The following ZMYM2 variants were observed in gnomAD, a reference collection of about 807,000 sequenced individuals.
ZMYM2 encodes zinc finger MYM-type containing 2, also known as zinc finger MYM-type protein 2.
A neutral mutation model predicts 162.8 loss-of-function variants in ZMYM2; 56 were observed. The observed-to-expected ratio is 0.34, with a 90% CI of 0.28 to 0.43. The LOEUF is 0.43. Among genes scored for constraint, ZMYM2 ranks in the 20% least tolerant of loss-of-function variants. The pLI, the probability that ZMYM2 is intolerant of heterozygous loss-of-function variation, is 1.00. For missense variants in ZMYM2, 1,275 were observed against 1,621.8 expected (o/e 0.79, Z 3.67); for synonymous variants, 510 against 541.6 (o/e 0.94, Z 0.81).
chr13:20,004,971 T>A, intron 4 of ZMYM2, 103 bp from the exon 5 acceptor site: 5 of 800,448 alleles, frequency 6.2e-6, no homozygotes, highest in Non-Finnish European at 9.4e-6. Context: ...GAATGATGTT[T>A]GATTTGCAGG....
chr13:19,905,561 G>A, the ZMYM2 span, among the ~76,000 whole-genome samples: 2 of 152,132 alleles, frequency 1.3e-5, no homozygotes, highest in Non-Finnish European at 2.9e-5. Flanking sequence ...ACCGGAGCAG[G>A]AGAGACAGCC....
At chr13:19,989,825 C>CT (rs1402935427) in intron 2 of ZMYM2, among the ~76,000 whole-genome samples, 1 of 152,260 alleles carries the variant, frequency 6.6e-6, no homozygotes, top group East Asian at 1.9e-4. Flanking sequence ...TCCTTCTACT[C>CT]TATCTCCATG....
chr13:19,918,454 A>C, the ZMYM2 span, among the ~76,000 whole-genome samples: 993 of 151,548 alleles, frequency 6.6e-3, 2 homozygotes, highest in Non-Finnish European at 0.01. Context: ...CAAAAAACAA[A>C]CAACCAAAAA....
chr13:19,976,886 TATC>T (rs1956845754), intron 2 of ZMYM2, among the ~76,000 whole-genome samples: 2 of 152,214 alleles, frequency 1.3e-5, no homozygotes, highest in Admixed American at 1.3e-4. Context: ...CTTCAGCTAT[TATC>T]ATAGAGTTTT....
chr13:19,877,053 A>G, the ZMYM2 span, among the ~76,000 whole-genome samples: 1 of 152,146 alleles, frequency 6.6e-6, no homozygotes, highest in African/African-American at 2.4e-5. Context: ...TCTACTAAAA[A>G]TACAAAAAAT....
chr13:19,876,443 C>T, the ZMYM2 span, among the ~76,000 whole-genome samples: 3 of 152,122 alleles, frequency 2.0e-5, no homozygotes, highest in African/African-American at 7.2e-5. Context: ...CTGCCTCAAC[C>T]TCCTGAGTAG....
At chr13:19,985,711 A>G (rs192355928) in intron 2 of ZMYM2, among the ~76,000 whole-genome samples, 73 of 151,344 alleles carry the variant, frequency 4.8e-4, no homozygotes, top group African/African-American at 1.7e-3. Flanking sequence ...CAAAAAGGAA[A>G]AAAAAAAAGA....
intron 12 of ZMYM2, among the ~76,000 whole-genome samples, chr13:20,044,094 C>T (rs749647583): frequency 2.6e-4 from 40 of 152,158 alleles, no homozygotes; most frequent in Non-Finnish European, 2.9e-4. Flanking sequence ...TCAGATCTGA[C>T]AGTTGCCCTA....
At chr13:19,909,007 C>T in the ZMYM2 span, among the ~76,000 whole-genome samples, 7 of 152,136 alleles carry the variant, frequency 4.6e-5, no homozygotes, top group East Asian at 3.9e-4. Context: ...GTATACTTTA[C>T]TATTATCCCA....
chr13:20,048,326 ATAATATT>A (rs1955006878), intron 12 of ZMYM2, among the ~76,000 whole-genome samples: 1 of 151,858 alleles, frequency 6.6e-6, no homozygotes, highest in South Asian at 2.1e-4. Flanking sequence ...TTTTAGGAAA[ATAATATT>A]TAATATTCAA....
rs769681794 is a variant in ZMYM2, at chr13:20,066,909, C to A, written c.3191C>A (p.Ser1064Ter). Residue 1064 changes from serine (S) to a stop codon, truncating the protein, a stop_gained, in exon 20 of 25, where the codon TCA becomes TAA. Coordinates refer to ENST00000610343, the MANE Select transcript of ZMYM2 (RefSeq NM_197968.4). LOFTEE classifies it high-confidence loss of function. ...TCTCATGATGATAGTTCTGACAATT[C>A]AGAATGCAGCTTTCCTTTCAAATAT... Reference protein sequence around the residue: ...YQSHDDSSDNSECSFPFKYTY... With the variant: ...YQSHDDSSDN The A allele has an allele frequency of 6.2e-7, 1 of 1,613,110 alleles. No homozygotes were observed. The highest frequency in any genetic ancestry group is 8.5e-7 in the Non-Finnish European group (1 of 1,179,444).
intron 2 of ZMYM2, among the ~76,000 whole-genome samples, chr13:19,987,966 T>C (rs1239185118): frequency 2.0e-5 from 3 of 152,236 alleles, no homozygotes; most frequent in Non-Finnish European, 4.4e-5. Flanking sequence ...AGTCTCAGCA[T>C]GTCTTTCATC....
the ZMYM2 span, among the ~76,000 whole-genome samples, chr13:19,920,775 T>C: frequency 6.9e-6 from 1 of 144,842 alleles, no homozygotes; most frequent in Admixed American, 7.1e-5. Context: ...TGTATGTATG[T>C]ATTTTTGAGA....
chr13:19,934,381 A>G, the ZMYM2 span, among the ~76,000 whole-genome samples: 1 of 152,048 alleles, frequency 6.6e-6, no homozygotes, highest in Non-Finnish European at 1.5e-5. Flanking sequence ...GCTGGTCTTG[A>G]ACTCCTGACC....
chr13:20,024,745 T>A (rs933800045), intron 7 of ZMYM2: 16 of 217,164 alleles, frequency 7.4e-5, no homozygotes, highest in African/African-American at 3.1e-4. Context: ...TTACACATCA[T>A]AGTGAGATAT....
chr13:19,910,301 C>T, the ZMYM2 span, among the ~76,000 whole-genome samples: 1 of 151,884 alleles, frequency 6.6e-6, no homozygotes, highest in East Asian at 1.9e-4. Flanking sequence ...TTTAGTGTTG[C>T]AGCTTTGGGA....
At chr13:20,038,040 G>A (rs2140385621) in intron 12 of ZMYM2, among the ~76,000 whole-genome samples, 1 of 152,274 alleles carries the variant, frequency 6.6e-6, no homozygotes, top group South Asian at 2.1e-4. Flanking sequence ...GTGAAAACAT[G>A]CAGTATTTGC....
In ZMYM2 at chr13:20,039,602, T is replaced by C. The variant is rs189528623; in HGVS notation, c.2292+2693T>C. Among the ~76,000 whole-genome samples, 605 of 151,346 alleles carry C rather than the reference T, an allele frequency of 4.0e-3. 3 individuals carry two copies. Among genetic ancestry groups the C allele is most frequent in the African/African-American group, 0.014 (592 of 41,274 alleles). Reference sequence around the variant, plus strand: ...CATTCTCCTGCCTCACCCTCCCGAGTAGCTGGGACTGCAGGCGCCCGCCAC... The same window carrying C: ...CATTCTCCTGCCTCACCCTCCCGAGCAGCTGGGACTGCAGGCGCCCGCCAC... On this transcript the variant is annotated intron_variant, in intron 12 of 24. Coordinates refer to ENST00000610343, the MANE Select transcript of ZMYM2 (RefSeq NM_197968.4).
At chr13:19,997,926 G>A (rs187739497) in intron 3 of ZMYM2, among the ~76,000 whole-genome samples, 1 of 152,158 alleles carries the variant, frequency 6.6e-6, no homozygotes, top group African/African-American at 2.4e-5. Flanking sequence ...TTCCTACTTA[G>A]ATAATTATTT....
Sources: gnomAD v4.1 joint callset for allele counts (sites outside exome capture counted in the v4.1 genomes callset) on GRCh38, gnomAD v4.1.1 for gene constraint, MANE v1.5 for transcripts, NCBI Gene and HGNC (gene_info 2026-07-23, HGNC 2026-07-21) for gene names.